PLD3: variants seen among roughly 807,000 people sequenced by gnomAD.
PLD3 encodes the protein phospholipase D family member 3.
In PLD3, 31 loss-of-function variants were observed where a neutral mutation model predicts 58.4. The observed-to-expected ratio is 0.53, with a 90% CI of 0.40 to 0.72. The LOEUF (loss-of-function observed/expected upper bound fraction) is 0.72. PLD3 is among the 30% of genes least tolerant of loss of function. The pLI is 0.00. For missense variants in PLD3, 595 were observed against 659.8 expected (o/e 0.90, Z 1.08); for synonymous variants, 264 against 273.4 (o/e 0.97, Z 0.34).
At chr19:40,367,656 C>T (rs762258284) in intron 5 of PLD3, 40 bp from the exon 6 acceptor site, 4 of 1,564,164 alleles carry the variant, frequency 2.6e-6, no homozygotes, top group Non-Finnish European at 3.5e-6. Flanking sequence ...AGCCCTTGCT[C>T]TCCGGCACCG....
At chr19:40,352,188 G>A (rs954397653) in intron 1 of PLD3, among the ~76,000 whole-genome samples, 3 of 151,708 alleles carry the variant, frequency 2.0e-5, no homozygotes, top group African/African-American at 7.3e-5. Context: ...CAGGAAAATC[G>A]CTTGAACCCG....
chr19:40,371,965 G>A lies in PLD3; in HGVS notation c.879+92G>A, dbSNP rs2079077970. On this transcript the variant is annotated intron_variant, in intron 9 of 12. Transcript: ENST00000409735. The stretch of plus-strand genomic sequence containing the variant: ...TCCCTGTTTGGTGATGACAGGGAGG[G>A]CGTATCCTGACCATCAGTTCTCACC... The A allele has an allele frequency of 4.7e-6, 5 of 1,058,782 alleles. No individual in the cohort carries two copies. In the South Asian group the frequency reaches 6.6e-5, roughly 14 times the overall value. The allele number at this position is 1,058,782 out of a possible 1,614,324, so 65.6% of individuals were successfully genotyped here. A position where few individuals can be genotyped will look rare whatever the true frequency, so the allele number is the denominator to read the frequency against.
At chr19:40,358,729 CA>C (rs1452755342) in intron 1 of PLD3, 2 of 152,276 alleles carry the variant, frequency 1.3e-5, no homozygotes, top group Admixed American at 1.3e-4. Flanking sequence ...ATGAGGCCAG[CA>C]GGGCTCAGAA....
intron 1 of PLD3, among the ~76,000 whole-genome samples, chr19:40,362,638 A>G (rs1218667039): frequency 6.6e-6 from 1 of 152,080 alleles, no homozygotes; most frequent in Non-Finnish European, 1.5e-5. Context: ...AGGTCTCACT[A>G]TGTTGCCCAG....
chr19:40,368,839 G>A (rs549416127), intron 6 of PLD3, among the ~76,000 whole-genome samples: 1 of 152,168 alleles, frequency 6.6e-6, no homozygotes, highest in East Asian at 1.9e-4. Flanking sequence ...GGAGGAGGAT[G>A]GCTTGAGCCC....
Position 40,371,740 on chromosome 19 carries a change from A to G in PLD3, c.746A>G (p.Glu249Gly), listed in dbSNP as rs746715924. The G allele has an allele frequency of 3.7e-6, 6 of 1,613,918 alleles. No homozygotes were observed. Among genetic ancestry groups the G allele is most frequent in the Non-Finnish European group, 5.1e-6 (6 of 1,179,940 alleles). ...GCTCGAGACCTGACCAAGATCTTTGAGGCCTACTGGTTCCTGGGCCAGGCA... is the reference window on the plus strand; with the variant it reads ...GCTCGAGACCTGACCAAGATCTTTGGGGCCTACTGGTTCCTGGGCCAGGCA... ...CLARDLTKIF[E>G]AYWFLGQAGS... The change falls in exon 9 of 13, where the codon GAG (glutamate) becomes GGG (glycine). Residue 249 changes from glutamate (E) to glycine (G), a missense_variant. Physicochemically the swap from Glu to Gly is moderately conservative, Grantham distance 98. Coordinates refer to ENST00000409735, the MANE Select transcript of PLD3 (RefSeq NM_012268.4).
intron 10 of PLD3, 53 bp downstream of exon 10, chr19:40,374,673 G>A: frequency 1.9e-6 from 3 of 1,605,964 alleles, no homozygotes; most frequent in South Asian, 1.1e-5. Flanking sequence ...GGAGACGGGA[G>A]AGGGAATCAT....
At chr19:40,359,832 T>C (rs2078738594) in intron 1 of PLD3, 1 of 152,176 alleles carries the variant, frequency 6.6e-6, no homozygotes, top group African/African-American at 2.4e-5. Context: ...GGCTCTTCTA[T>C]GCACATTATA....
chr19:40,348,750 T>C lies in PLD3; in HGVS notation c.-297T>C. 1 of 451,318 alleles carries C rather than the reference T, an allele frequency of 2.2e-6. No individual in the cohort carries two copies. Among genetic ancestry groups the C allele is most frequent in the Non-Finnish European group, 3.9e-6 (1 of 259,310 alleles). The allele number at this position is 451,318 out of a possible 1,614,324, so 28.0% of individuals were successfully genotyped here. Reference sequence around the variant, plus strand: ...GTGCGTGTGGGGCTGGGTCTCGGAGTGGGAGACGTGGAGTGCAGGTACTGT... The same window carrying C: ...GTGCGTGTGGGGCTGGGTCTCGGAGCGGGAGACGTGGAGTGCAGGTACTGT... On this transcript the variant is annotated 5_prime_UTR_variant, in exon 1 of 13. Coordinates refer to ENST00000409735, the MANE Select transcript of PLD3 (RefSeq NM_012268.4).
intron 1 of PLD3, among the ~76,000 whole-genome samples, chr19:40,364,282 A>G (rs781721561): frequency 1.2e-4 from 18 of 151,942 alleles, no homozygotes; most frequent in Non-Finnish European, 1.9e-4. Context: ...TGAAACCACA[A>G]GGCGGAGGTT....
intron 1 of PLD3, among the ~76,000 whole-genome samples, chr19:40,364,486 A>G (rs2078865103): frequency 6.7e-6 from 1 of 149,108 alleles, no homozygotes. Flanking sequence ...TCTATACAAA[A>G]TTAAAAAAAA....
intron 1 of PLD3, chr19:40,356,693 T>A (rs2078663142): frequency 6.6e-6 from 1 of 151,786 alleles, no homozygotes; most frequent in Non-Finnish European, 1.5e-5. Context: ...TTGAAGGAGG[T>A]ATCTGGGGGG....
chr19:40,377,870 C>T lies in PLD3; in HGVS notation c.1270C>T (p.Arg424Cys), dbSNP rs201893308. The T allele has an allele frequency of 7.3e-5, 117 of 1,613,712 alleles. No individual in the cohort carries two copies. The highest frequency in any genetic ancestry group is 4.9e-4 in the Middle Eastern group (3 of 6,082). ...CCACAACAAGTACATGGTGACTGAA[C>T]GCGCCACCTACATCGGTGAGTGTCT... ...VNHNKYMVTE[R>C]ATYIGTSNWS... is the part of the protein sequence containing the mutation. Residue 424 changes from arginine to cysteine, a missense_variant, in exon 12 of 13, where the codon CGC (arginine) becomes TGC (cysteine). By Grantham distance (180) the Arg-to-Cys change is radical. Coordinates refer to ENST00000409735, the MANE Select transcript of PLD3 (RefSeq NM_012268.4).
chr19:40,351,786 C>G (rs899128498), intron 1 of PLD3, among the ~76,000 whole-genome samples: 50 of 152,114 alleles, frequency 3.3e-4, no homozygotes, highest in Non-Finnish European at 1.6e-4. Context: ...AGGTGGGTGC[C>G]ACAGGAGGAT....
chr19:40,365,381 C>T (rs1376080795), intron 1 of PLD3, among the ~76,000 whole-genome samples: 4 of 152,134 alleles, frequency 2.6e-5, no homozygotes, highest in Admixed American at 6.5e-5. Flanking sequence ...TCTAAATAGA[C>T]TCCAACAGAA....
chr19:40,365,487 C>T (rs2078894836), intron 1 of PLD3: 1 of 152,228 alleles, frequency 6.6e-6, no homozygotes, highest in African/African-American at 2.4e-5. Context: ...GTTATTCAAC[C>T]ATGATCTCTC....
intron 11 of PLD3, among the ~76,000 whole-genome samples, 172 bp downstream of exon 11, chr19:40,376,946 C>T (rs762734196): frequency 1.3e-5 from 2 of 148,552 alleles, no homozygotes; most frequent in Non-Finnish European, 3.0e-5. Flanking sequence ...GGGCCAGGAC[C>T]GGGATGAGGG....
chr19:40,349,172 A>G (rs991973125), intron 1 of PLD3, among the ~76,000 whole-genome samples: 4 of 151,758 alleles, frequency 2.6e-5, no homozygotes, highest in African/African-American at 9.7e-5. Flanking sequence ...CCTTTATAAA[A>G]TCCTCATTTC....
Position 40,369,968 on chromosome 19 carries a change from G to A in PLD3, c.490G>A (p.Ala164Thr), listed in dbSNP as rs753968296. ...LAPKGVNVRI[A>T]VSKPSGPQPQ... ...ACCAAAGGGCGTGAACGTCCGCATC[G>A]CTGTGAGCAAGCCCAGCGGGCCCCA... The change falls in exon 7 of 13, where the codon GCT becomes ACT. Residue 164 changes from alanine (A) to threonine (T), a missense_variant. Ala to Thr is a moderately conservative substitution (Grantham distance 58). Transcript: ENST00000409735. 7.0e-6 allele frequency: 11 copies of A among 1,561,448 alleles called. No homozygotes were observed. Among genetic ancestry groups the A allele is most frequent in the South Asian group, 3.5e-5 (3 of 85,126 alleles).
Sources: allele counts gnomAD v4.1 joint callset (sites outside exome capture counted in the v4.1 genomes callset), GRCh38; gene constraint gnomAD v4.1.1; transcripts MANE v1.5; gene names NCBI Gene and HGNC (gene_info 2026-07-23, HGNC 2026-07-21).